Variants in ATXN10 observed in about 807,000 individuals in gnomAD.
ATXN10 encodes the protein ataxin-10.
A neutral mutation model predicts 52.9 loss-of-function variants in ATXN10; 28 were observed. The ratio of observed to expected loss-of-function variants is 0.53; its 90% CI spans 0.39 to 0.73. The LOEUF (loss-of-function observed/expected upper bound fraction) is 0.73. Ranked by LOEUF, ATXN10 falls within the 30% of genes least tolerant of loss-of-function variation. The pLI is 0.00. For synonymous variants in ATXN10, 226 were observed against 221.5 expected (o/e 1.02, Z -0.18); for missense variants, 565 against 577.0 (o/e 0.98, Z 0.21).
chr22:45,821,081 A>G (rs537501704), intron 10 of ATXN10, among the ~76,000 whole-genome samples: 7 of 152,330 alleles, frequency 4.6e-5, no homozygotes, highest in Non-Finnish European at 8.8e-5. Context: ...TGTCAGATTC[A>G]GATAGAGATG....
intron 9 of ATXN10, among the ~76,000 whole-genome samples, chr22:45,751,763 A>AAT (rs1925975532): frequency 6.0e-5 from 4 of 66,612 alleles, no homozygotes; most frequent in South Asian, 7.5e-4. Flanking sequence ...AATAAAAAAA[A>AAT]AATAATAATA....
In ATXN10 at chr22:45,835,288, T is replaced by G. The variant is rs1569083476; in HGVS notation, c.1238-7703T>G. 6.6e-6 allele frequency among the ~76,000 whole-genome samples: 1 copy of G among 152,170 alleles called. No homozygotes were observed. The highest frequency in any genetic ancestry group is 1.9e-4 in the East Asian group (1 of 5,194). On this transcript the variant is annotated intron_variant, in intron 10 of 11. Transcript: ENST00000252934. This position sits in a 1 kb window ranked among gnomAD's most constrained non-coding sequence, Gnocchi z 5.0. ...TTGCCTGGCGCGGGCGCTTGAGCTT[T>G]CACATCTGGGACTGGTGAGGGATGG...
At chr22:45,756,754 C>T (rs534724546) in intron 9 of ATXN10, among the ~76,000 whole-genome samples, 35 of 152,282 alleles carry the variant, frequency 2.3e-4, no homozygotes, top group Middle Eastern at 3.4e-3. Flanking sequence ...ACAAGCTGCA[C>T]TTAGCTCATA....
rs1447981434 is a variant in ATXN10, at chr22:45,789,149, C to T, written c.1174-17810C>T. ...ACATCTTCATGAGCTGAAAGGCTCA[C>T]CTGACCACCCCTCTAAAACAGTCTT... On this transcript the variant is annotated intron_variant, in intron 9 of 11. Transcript: ENST00000252934. This position sits in a 1 kb window ranked among gnomAD's most constrained non-coding sequence, Gnocchi z 4.0. 6.6e-6 allele frequency among the ~76,000 whole-genome samples: 1 copy of T among 152,206 alleles called. No homozygotes were observed. Among genetic ancestry groups the T allele is most frequent in the South Asian group, 2.1e-4 (1 of 4,822 alleles).
At chr22:45,694,962 A>C (rs1394383222) in intron 3 of ATXN10, among the ~76,000 whole-genome samples, 9 of 150,762 alleles carry the variant, frequency 6.0e-5, no homozygotes, top group East Asian at 3.9e-4. Context: ...AAAAAAAAAA[A>C]AAAACAAAAC....
intron 2 of ATXN10, among the ~76,000 whole-genome samples, chr22:45,691,990 T>C (rs1258628101): frequency 2.0e-5 from 3 of 152,240 alleles, no homozygotes; most frequent in Non-Finnish European, 4.4e-5. Flanking sequence ...GGTGACTTGG[T>C]CTTCCTGAGT....
At chr22:45,720,642 C>T (rs561600493) in intron 6 of ATXN10, among the ~76,000 whole-genome samples, 13 of 152,310 alleles carry the variant, frequency 8.5e-5, no homozygotes, top group African/African-American at 3.1e-4. Flanking sequence ...TGAGGTACCA[C>T]TTGATACCCA....
Position 45,842,757 on chromosome 22 carries a change from C to T in ATXN10, c.1238-234C>T, listed in dbSNP as rs573417839. Among the ~76,000 whole-genome samples, 10 of 152,234 alleles carry T rather than the reference C, an allele frequency of 6.6e-5. No homozygotes were observed. The highest frequency in any genetic ancestry group is 2.1e-4 in the South Asian group (1 of 4,828). Reference sequence around the variant, plus strand: ...TACTGAGTAAATCTCTCTGGGTGCCCGTGGCTGGACATCACACACACATGC... The same window carrying T: ...TACTGAGTAAATCTCTCTGGGTGCCTGTGGCTGGACATCACACACACATGC... On this transcript the variant is annotated intron_variant, in intron 10 of 11. Transcript: ENST00000252934. This position sits in a 1 kb window ranked among gnomAD's most constrained non-coding sequence, Gnocchi z 4.8.
In ATXN10 at chr22:45,721,355, G is replaced by A. The variant is rs957520733; in HGVS notation, c.728+2862G>A. Among the ~76,000 whole-genome samples, 4 of 152,108 alleles carry A rather than the reference G, an allele frequency of 2.6e-5. No individual in the cohort carries two copies. The East Asian group carries it at 5.8e-4, about 22-fold the overall frequency. ...GTTAAGGACAGATGCTAGTGCTGCC[G>A]CTTACTACTTTGGATAGGTTAATGA... On this transcript the variant is annotated intron_variant, in intron 6 of 11. Coordinates refer to ENST00000252934, the MANE Select transcript of ATXN10 (RefSeq NM_013236.4).
At chr22:45,721,678 G>T (rs1471489695) in intron 6 of ATXN10, among the ~76,000 whole-genome samples, 1 of 152,112 alleles carries the variant, frequency 6.6e-6, no homozygotes, top group African/African-American at 2.4e-5. Context: ...TTTTCTCCAG[G>T]TAGCATCACC....
At position 45,672,016 on chromosome 22, in the gene ATXN10, C is replaced by T. The variant is rs563463705; in HGVS notation, c.-48C>T. ...CTCGTCATCCTCCCCCTTCGTCCTC[C>T]TCGCCTTCCTCCTCCTCGTCAGGCT... On this transcript the variant is annotated 5_prime_UTR_variant, in exon 1 of 12. Coordinates refer to ENST00000252934, the MANE Select transcript of ATXN10 (RefSeq NM_013236.4). The T allele has an allele frequency of 2.5e-4, 381 of 1,526,008 alleles. 1 individual carries two copies. The African/African-American group carries it at 3.4e-3, about 14-fold the overall frequency. The allele number at this position is 1,526,008 out of a possible 1,614,324, so 94.5% of individuals were successfully genotyped here.
In ATXN10 at chr22:45,715,411, CATG is replaced by C. The variant is rs1924408264; in HGVS notation, c.648-2996_648-2994del. On this transcript the variant is annotated intron_variant, in intron 5 of 11. Coordinates refer to ENST00000252934, the MANE Select transcript of ATXN10 (RefSeq NM_013236.4). This position sits in a 1 kb window ranked among gnomAD's most constrained non-coding sequence, Gnocchi z 4.4. ...ACTGATGTTTTATACATTATATAAACATGATGATATGGATCAAGTTTGTCCAAC... is the reference window on the plus strand; with the variant it reads ...ACTGATGTTTTATACATTATATAAACATGATATGGATCAAGTTTGTCCAAC... Among the ~76,000 whole-genome samples the C allele has an allele frequency of 3.3e-5, 5 of 152,178 alleles. No individual in the cohort carries two copies. In the South Asian group the frequency reaches 1.0e-3, roughly 32 times the overall value.
chr22:45,694,954 AAAAAAAAAAAAAC>A (rs1923539569), intron 3 of ATXN10, among the ~76,000 whole-genome samples: 2 of 150,642 alleles, frequency 1.3e-5, no homozygotes, highest in Admixed American at 6.6e-5. Context: ...AAAAAAAAAA[AAAAAAAAAAAAAC>A]AAAACCCCAG....
Position 45,807,018 on chromosome 22 carries a change from C to T in ATXN10, c.1233C>T (p.Asn411=), listed in dbSNP as rs769190553. Residue 411 remains asparagine (N), a synonymous_variant, in exon 10 of 12, where the codon AAC becomes AAT. Transcript: ENST00000252934. ...ACAACTGCAACATCAGTGACAGTAA[C>T]CCCTGTATCCTTGCATGTGAATTAC... is the stretch of plus-strand genomic sequence containing the variant. ...ILDNCNISDS[N]PFLTQWVIYA... The T allele has an allele frequency of 3.7e-6, 6 of 1,613,408 alleles. No individual in the cohort carries two copies. The highest frequency in any genetic ancestry group is 5.1e-6 in the Non-Finnish European group (6 of 1,179,476).
intron 1 of ATXN10, chr22:45,689,483 G>T (rs1923281182): frequency 1.8e-6 from 1 of 567,912 alleles, no homozygotes; most frequent in South Asian, 2.0e-5. Flanking sequence ...GCCTCATAAG[G>T]CTGTTGCAGA....
rs980904550 is a variant in ATXN10 at position 45,672,089 on chromosome 22, C to T, written c.26C>T (p.Ala9Val). The T allele has an allele frequency of 1.1e-5, 17 of 1,538,584 alleles. No individual in the cohort carries two copies. The highest frequency in any genetic ancestry group is 1.4e-5 in the Non-Finnish European group (16 of 1,145,452). Residue 9 changes from alanine to valine, a missense_variant, in exon 1 of 12, where the codon GCC becomes GTC. By Grantham distance (64) the Ala-to-Val change is moderately conservative. Coordinates refer to ENST00000252934, the MANE Select transcript of ATXN10 (RefSeq NM_013236.4). ...ATGGCGGCGCCCAGGCCGCCGCCTG[C>T]CAGGCTGTCGGGCGTCATGGTGCCG... is the stretch of plus-strand genomic sequence containing the variant. MAAPRPPP[A>V]RLSGVMVPAP...
In ATXN10 at chr22:45,817,043, G is replaced by A. The variant is rs185623813; in HGVS notation, c.1237+10021G>A. Among the ~76,000 whole-genome samples the A allele has an allele frequency of 1.7e-3, 261 of 152,232 alleles. 1 individual carries two copies. Among genetic ancestry groups the A allele is most frequent in the Admixed American group, 4.8e-3 (73 of 15,306 alleles). ...AGCAATGAATTTCCATGCCAGGAGCGCCTGCTCTGTGTTCACAAAGCAGTG... is the reference window on the plus strand; with the variant it reads ...AGCAATGAATTTCCATGCCAGGAGCACCTGCTCTGTGTTCACAAAGCAGTG... On this transcript the variant is annotated intron_variant, in intron 10 of 11. Transcript: ENST00000252934.
intron 6 of ATXN10, among the ~76,000 whole-genome samples, chr22:45,720,088 C>G (rs1326976724): frequency 6.6e-6 from 1 of 152,136 alleles, no homozygotes; most frequent in African/African-American, 2.4e-5. Flanking sequence ...GTAATCTTAT[C>G]TTCTAAGTTG....
chr22:45,815,541 C>T lies in ATXN10; in HGVS notation c.1237+8519C>T, dbSNP rs117084712. Among the ~76,000 whole-genome samples, 970 of 152,268 alleles carry T rather than the reference C, an allele frequency of 6.4e-3. 7 individuals are homozygous for T. The highest frequency in any genetic ancestry group is 0.015 in the South Asian group (73 of 4,820). ...TGTGCTACATTTTCAGAACAGTTCT[C>T]TTTGGGTTTTTCTGTTTTGTTTTCA... On this transcript the variant is annotated intron_variant, in intron 10 of 11. Coordinates refer to ENST00000252934, the MANE Select transcript of ATXN10 (RefSeq NM_013236.4).
Sources: allele counts gnomAD v4.1 joint callset (sites outside exome capture counted in the v4.1 genomes callset), GRCh38; gene constraint gnomAD v4.1.1; non-coding constraint Gnocchi (gnomAD v3.1); transcripts MANE v1.5; gene names NCBI Gene and HGNC (gene_info 2026-07-23, HGNC 2026-07-21).